The following KCNN3 variants were observed in gnomAD, a reference collection of about 807,000 sequenced individuals.
The protein encoded by KCNN3 is potassium calcium-activated channel subfamily N member 3.
Under a neutral mutation model 62.9 loss-of-function variants are expected in KCNN3, and 16 were observed. The ratio of observed to expected loss-of-function variants is 0.25; its 90% confidence interval spans 0.17 to 0.39. The LOEUF (loss-of-function observed/expected upper bound fraction) is 0.39. KCNN3 is among the 10% of genes least tolerant of loss of function. The pLI is 1.00. For missense variants in KCNN3, 599 were observed against 949.4 expected (o/e 0.63, Z 4.85); for synonymous variants, 370 against 389.2 (o/e 0.95, Z 0.58).
At chr1:154,731,724 G>A (rs1246477027) in intron 4 of KCNN3, among the ~76,000 whole-genome samples, 1 of 152,052 alleles carries the variant, frequency 6.6e-6, no homozygotes, top group Non-Finnish European at 1.5e-5. Context: ...TTTCACAAAG[G>A]TGTGAGGGGG....
rs1427835354 is a variant in KCNN3, at chr1:154,699,303, T to C, written c.*8673A>G. The stretch of plus-strand genomic sequence containing the variant: ...AAAGGTCTCACTAAACAAATAAACA[T>C]AGGACCAGACAAAAGAAATGGAGCT... On this transcript the variant is annotated 3_prime_UTR_variant, in exon 8 of 8. Transcript: ENST00000271915. 6.6e-6 allele frequency: 1 copy of C among 151,420 alleles called. No individual in the cohort carries two copies. Among genetic ancestry groups the C allele is most frequent in the Non-Finnish European group, 1.5e-5 (1 of 67,950 alleles). The allele number at this position is 151,420 out of a possible 1,614,324, so 9.4% of individuals were successfully genotyped here.
intron 1 of KCNN3, among the ~76,000 whole-genome samples, chr1:154,858,700 C>T (rs1336873801): frequency 6.6e-6 from 1 of 151,502 alleles, no homozygotes; most frequent in Non-Finnish European, 1.5e-5. Context: ...GCCCCTGCCA[C>T]TAACAATGCT....
At chr1:154,722,307 T>C (rs185676084) in intron 5 of KCNN3, among the ~76,000 whole-genome samples, 6 of 152,206 alleles carry the variant, frequency 3.9e-5, no homozygotes, top group African/African-American at 1.4e-4. Flanking sequence ...GAGGTTGCAA[T>C]TATGCCACAG....
chr1:154,841,011 A>C (rs191083050), intron 1 of KCNN3, among the ~76,000 whole-genome samples: 11 of 149,348 alleles, frequency 7.4e-5, no homozygotes, highest in Admixed American at 7.3e-4. Flanking sequence ...GACCAGGGGC[A>C]GGCCTGCCCC....
intron 2 of KCNN3, among the ~76,000 whole-genome samples, chr1:154,804,220 C>T (rs565501678): frequency 1.3e-5 from 2 of 152,340 alleles, no homozygotes; most frequent in Non-Finnish European, 2.9e-5. Flanking sequence ...CCACTGACAC[C>T]TTTCAGATTA....
intron 2 of KCNN3, among the ~76,000 whole-genome samples, chr1:154,802,362 G>A (rs1197989592): frequency 1.3e-5 from 2 of 152,210 alleles, no homozygotes; most frequent in African/African-American, 4.8e-5. Flanking sequence ...GCACCCAGGA[G>A]CTCACTCCAG....
At chr1:154,731,052 G>A (rs909580137) in intron 4 of KCNN3, among the ~76,000 whole-genome samples, 2 of 152,150 alleles carry the variant, frequency 1.3e-5, no homozygotes, top group Non-Finnish European at 2.9e-5. Flanking sequence ...GCTGAGAGGG[G>A]AAAAGGTCGG....
At position 154,869,946 on chromosome 1, in the gene KCNN3, A is replaced by G. The variant is rs1384879010; in HGVS notation, c.19T>C (p.Phe7Leu). 6.2e-7 allele frequency: 1 copy of G among 1,610,616 alleles called. No individual in the cohort carries two copies. The change falls in exon 1 of 8, where the codon TTC becomes CTC. Residue 7 changes from phenylalanine to leucine, a missense_variant. This residue lies in a region of KCNN3 where 59 missense variants were observed against 62.4 expected (regional missense o/e 0.95). Coordinates refer to ENST00000271915, the MANE Select transcript of KCNN3 (RefSeq NM_002249.6). This position sits in a 1 kb window ranked among gnomAD's most constrained non-coding sequence, Gnocchi z 6.1. ...AAGTCCCCCACCCCCGAGTCATGGA[A>G]GTGCCCAGAAGTGTCCATCTTGGGG... is the stretch of plus-strand genomic sequence containing the variant. MDTSGH[F>L]HDSGVGDLDE...
intron 2 of KCNN3, among the ~76,000 whole-genome samples, chr1:154,784,445 A>G (rs577551430): frequency 6.6e-6 from 1 of 152,096 alleles, no homozygotes; most frequent in East Asian, 1.9e-4. Context: ...GCGCCCTTCC[A>G]TCTTCTGTAC....
chr1:154,788,380 C>T (rs865870368), intron 2 of KCNN3, among the ~76,000 whole-genome samples: 16 of 152,186 alleles, frequency 1.1e-4, no homozygotes, highest in African/African-American at 3.4e-4. Context: ...TCATCAGGCT[C>T]ATTAGCATAT....
intron 2 of KCNN3, among the ~76,000 whole-genome samples, chr1:154,795,159 C>CCATG (rs1649677266): frequency 6.6e-6 from 1 of 152,196 alleles, no homozygotes; most frequent in Non-Finnish European, 1.5e-5. Flanking sequence ...AGAGGGACCA[C>CCATG]CATGCCCGTC....
At position 154,766,684 on chromosome 1, in the gene KCNN3, GTT is replaced by G. The variant is rs538280656; in HGVS notation, c.1448+5289_1448+5290del. ...TTCCTACTGTTTTGTTTTGGGGTTTGTTTTTTTTTTTTTGAGATGGAGTCTGG... is the reference window on the plus strand; with the variant it reads ...TTCCTACTGTTTTGTTTTGGGGTTTGTTTTTTTTTTTGAGATGGAGTCTGG... On this transcript the variant is annotated intron_variant, in intron 3 of 7. Coordinates refer to ENST00000271915, the MANE Select transcript of KCNN3 (RefSeq NM_002249.6). Among the ~76,000 whole-genome samples the G allele has an allele frequency of 5.1e-3, 697 of 135,390 alleles. 9 individuals carry two copies. The highest frequency in any genetic ancestry group is 0.018 in the African/African-American group (659 of 37,042). The allele number at this position is 135,390 out of a possible 152,430, so 88.8% of individuals were successfully genotyped here. A position where few individuals can be genotyped will look rare whatever the true frequency, so the allele number is the denominator to read the frequency against.
At chr1:154,747,720 G>A (rs1259217084) in intron 3 of KCNN3, among the ~76,000 whole-genome samples, 1 of 152,176 alleles carries the variant, frequency 6.6e-6, no homozygotes, top group African/African-American at 2.4e-5. Flanking sequence ...CATAAATAAG[G>A]TTGGAAACTG....
chr1:154,784,370 C>A (rs1649186081), intron 2 of KCNN3, among the ~76,000 whole-genome samples: 2 of 152,302 alleles, frequency 1.3e-5, no homozygotes, highest in South Asian at 4.2e-4. Context: ...CCCCTCTATC[C>A]CCATCACCTG....
At chr1:154,791,210 C>T (rs1649498732) in intron 2 of KCNN3, among the ~76,000 whole-genome samples, 1 of 124,750 alleles carries the variant, frequency 8.0e-6, no homozygotes, top group Non-Finnish European at 1.6e-5. Context: ...GCCTGGGTGA[C>T]AGAGTGAGAC....
intron 1 of KCNN3, among the ~76,000 whole-genome samples, chr1:154,830,902 G>T (rs1372953897): frequency 6.6e-6 from 1 of 152,164 alleles, no homozygotes; most frequent in Non-Finnish European, 1.5e-5. Context: ...GTCAGACGGG[G>T]CACCCCTTCA....
At chr1:154,785,572 CTTTTTTTTTTTT>C (rs59033291) in intron 2 of KCNN3, among the ~76,000 whole-genome samples, 2 of 107,980 alleles carry the variant, frequency 1.9e-5, no homozygotes, top group South Asian at 2.9e-4. Flanking sequence ...TTTTCTTTTT[CTTTTTTTTTTTT>C]TTTTTTTTTT....
At position 154,701,117 on chromosome 1, in the gene KCNN3, A is replaced by G. The variant is rs1244273755; in HGVS notation, c.*6859T>C. 1 of 152,246 alleles carries G rather than the reference A, an allele frequency of 6.6e-6. No individual in the cohort carries two copies. The highest frequency in any genetic ancestry group is 1.5e-5 in the Non-Finnish European group (1 of 68,010). 9.4% of individuals were successfully genotyped at this position (152,246 alleles called of 1,614,324 possible). On this transcript the variant is annotated 3_prime_UTR_variant, in exon 8 of 8. Transcript: ENST00000271915. ...ACAGACTGAAAACGGGCATTTAGAC[A>G]TTTCTCTTTCAAACAGCATGAATAC...
chr1:154,757,309 C>A (rs1647770201), intron 3 of KCNN3, among the ~76,000 whole-genome samples: 1 of 152,192 alleles, frequency 6.6e-6, no homozygotes, highest in African/African-American at 2.4e-5. Context: ...AAGCTGGAAA[C>A]AGGACAGGAG....
Sources: allele counts gnomAD v4.1 joint callset (sites outside exome capture counted in the v4.1 genomes callset), GRCh38; gene constraint gnomAD v4.1.1; regional missense constraint gnomAD v4.1.1; non-coding constraint Gnocchi (gnomAD v3.1); transcripts MANE v1.5; gene names NCBI Gene and HGNC (gene_info 2026-07-23, HGNC 2026-07-21).